Variants in TMTC2 observed in about 807,000 individuals in gnomAD.
TMTC2 encodes transmembrane O-mannosyltransferase targeting cadherins 2, also known as protein O-mannosyl-transferase TMTC2.
Under a neutral mutation model 82.4 loss-of-function variants are expected in TMTC2, and 43 were observed. That is an observed-to-expected ratio of 0.52 (90% CI 0.41 to 0.67). The LOEUF (loss-of-function observed/expected upper bound fraction) is 0.67. Ranked by LOEUF, TMTC2 falls within the 30% of genes least tolerant of loss-of-function variation. The probability of loss-of-function intolerance (pLI) is 0.00; values close to 1 mark genes in which losing one functional copy is unlikely to be tolerated. For missense variants in TMTC2, 919 were observed against 1,012.4 expected (o/e 0.91, Z 1.25); for synonymous variants, 408 against 381.9 (o/e 1.07, Z -0.80).
chr12:82,976,267 G>T (rs1398289512), intron 7 of TMTC2, among the ~76,000 whole-genome samples: 1 of 151,978 alleles, frequency 6.6e-6, no homozygotes, highest in Non-Finnish European at 1.5e-5. Flanking sequence ...ATTTACACAG[G>T]CTTCTGGCTT....
intron 11 of TMTC2, among the ~76,000 whole-genome samples, chr12:83,090,494 T>G (rs1050844716): frequency 6.6e-6 from 1 of 152,208 alleles, no homozygotes; most frequent in Non-Finnish European, 1.5e-5. Context: ...TAACATGATT[T>G]TCTATGATCA....
At chr12:82,892,111 A>G (rs1422426917) in intron 2 of TMTC2, among the ~76,000 whole-genome samples, 2 of 152,218 alleles carry the variant, frequency 1.3e-5, no homozygotes, top group Non-Finnish European at 2.9e-5. Context: ...TCGTCCTTAC[A>G]GAACTCACCA....
At position 82,966,239 on chromosome 12, in the gene TMTC2, T is replaced by C. The variant is rs551326465; in HGVS notation, c.1869+495T>C. Among the ~76,000 whole-genome samples the C allele has an allele frequency of 5.9e-5, 9 of 152,256 alleles. No individual in the cohort carries two copies. In the East Asian group the frequency reaches 9.7e-4, roughly 16 times the overall value. ...AAAACTATTATGAAATAAAATGTAA[T>C]TTTATTATTTCTTAACTGAGGGAAA... is the stretch of plus-strand genomic sequence containing the variant. On this transcript the variant is annotated intron_variant, in intron 6 of 11. Coordinates refer to ENST00000321196, the MANE Select transcript of TMTC2 (RefSeq NM_152588.3).
At chr12:82,983,942 T>G (rs1358704663) in intron 7 of TMTC2, among the ~76,000 whole-genome samples, 3 of 152,078 alleles carry the variant, frequency 2.0e-5, no homozygotes, top group African/African-American at 7.2e-5. Context: ...TATTATTTCC[T>G]TTATTTGAAA....
At chr12:82,699,479 A>T (rs1393271687) in intron 1 of TMTC2, among the ~76,000 whole-genome samples, 1 of 152,146 alleles carries the variant, frequency 6.6e-6, no homozygotes, top group African/African-American at 2.4e-5. Flanking sequence ...CTGGGTACTC[A>T]TGGTCTCTCT....
At chr12:82,728,381 T>C (rs1874573682) in intron 1 of TMTC2, among the ~76,000 whole-genome samples, 1 of 152,124 alleles carries the variant, frequency 6.6e-6, no homozygotes, top group South Asian at 2.1e-4. Context: ...TTAATTGATC[T>C]TTCTCATTTG....
chr12:82,687,749 C>G (rs1872394586), intron 1 of TMTC2, 80 bp downstream of exon 1: 10 of 1,378,740 alleles, frequency 7.3e-6, no homozygotes, highest in South Asian at 2.5e-5. Flanking sequence ...CTTTAAGGCT[C>G]AAAGTGCGTC....
At chr12:83,017,297 G>A (rs373285035) in intron 8 of TMTC2, among the ~76,000 whole-genome samples, 4 of 152,146 alleles carry the variant, frequency 2.6e-5, no homozygotes, top group Non-Finnish European at 4.4e-5. Flanking sequence ...ACAGGAATTA[G>A]GGTAACTGTA....
At chr12:82,694,777 A>T (rs1872717496) in intron 1 of TMTC2, among the ~76,000 whole-genome samples, 1 of 134,550 alleles carries the variant, frequency 7.4e-6, no homozygotes, top group African/African-American at 2.5e-5. Context: ...TCCACAGGAG[A>T]TTTAAGTTAA....
chr12:83,025,071 A>G (rs1881102199), intron 8 of TMTC2, among the ~76,000 whole-genome samples: 1 of 152,068 alleles, frequency 6.6e-6, no homozygotes, highest in African/African-American at 2.4e-5. Flanking sequence ...TGCATGCTCT[A>G]GTGACAGCTT....
chr12:83,054,164 G>A (rs989439077), intron 10 of TMTC2, among the ~76,000 whole-genome samples: 3 of 152,012 alleles, frequency 2.0e-5, no homozygotes, highest in Non-Finnish European at 4.4e-5. Flanking sequence ...CCTCACCTGC[G>A]CTGGATAGGT....
chr12:83,022,893 C>T (rs1457920358), intron 8 of TMTC2, among the ~76,000 whole-genome samples: 1 of 152,184 alleles, frequency 6.6e-6, no homozygotes. Flanking sequence ...TAATTTTCTG[C>T]ACAATCATTT....
intron 8 of TMTC2, among the ~76,000 whole-genome samples, chr12:83,006,052 G>A (rs547259263): frequency 1.3e-5 from 2 of 152,288 alleles, no homozygotes; most frequent in East Asian, 3.9e-4. Flanking sequence ...CCCCCTACCA[G>A]CTCAACTGTC....
At chr12:82,703,260 G>A (rs1873170369) in intron 1 of TMTC2, among the ~76,000 whole-genome samples, 1 of 152,118 alleles carries the variant, frequency 6.6e-6, no homozygotes, top group South Asian at 2.1e-4. Flanking sequence ...TTTGGAGTTG[G>A]ATGGGAAGGT....
intron 1 of TMTC2, among the ~76,000 whole-genome samples, chr12:82,816,526 C>T (rs1202471302): frequency 2.0e-5 from 3 of 151,924 alleles, no homozygotes; most frequent in Non-Finnish European, 4.4e-5. Context: ...ATGTTGTGGC[C>T]TTTGAGACGT....
chr12:82,964,196 A>G (rs554270092), intron 4 of TMTC2, among the ~76,000 whole-genome samples: 17 of 151,994 alleles, frequency 1.1e-4, no homozygotes, highest in Non-Finnish European at 2.1e-4. Flanking sequence ...GAATGGGGAT[A>G]GGCCAAAAAG....
chr12:82,762,717 G>A (rs1876720269), intron 1 of TMTC2, among the ~76,000 whole-genome samples: 1 of 152,116 alleles, frequency 6.6e-6, no homozygotes, highest in Non-Finnish European at 1.5e-5. Flanking sequence ...GGAGAATGGT[G>A]ATCAAAGGAA....
At chr12:82,947,230 C>G (rs1313166673) in intron 4 of TMTC2, among the ~76,000 whole-genome samples, 2 of 152,144 alleles carry the variant, frequency 1.3e-5, no homozygotes, top group Non-Finnish European at 2.9e-5. Context: ...AAAAAAATCT[C>G]TAAATCTTCA....
chr12:82,734,968 T>C (rs1010189834), intron 1 of TMTC2, among the ~76,000 whole-genome samples: 5 of 152,314 alleles, frequency 3.3e-5, no homozygotes, highest in African/African-American at 1.2e-4. Context: ...ATAGAGTTTG[T>C]ATCAAGAGAG....
Sources: gnomAD v4.1 joint callset for allele counts (sites outside exome capture counted in the v4.1 genomes callset) on GRCh38, gnomAD v4.1.1 for gene constraint, MANE v1.5 for transcripts, NCBI Gene and HGNC (gene_info 2026-07-23, HGNC 2026-07-21) for gene names.